The following RASGRP2 variants were observed in gnomAD, a reference collection of about 807,000 sequenced individuals.
RASGRP2 encodes the protein RAS guanyl releasing protein 2, also known as RAS guanyl-releasing protein 2.
A neutral mutation model predicts 71.0 loss-of-function variants in RASGRP2; 44 were observed. That is an observed-to-expected ratio of 0.62 (90% CI 0.49 to 0.80). The LOEUF (loss-of-function observed/expected upper bound fraction) is 0.80. Among genes scored for constraint, RASGRP2 ranks in the 30% least tolerant of loss-of-function variants. The pLI is 0.00. For missense variants in RASGRP2, 663 were observed against 813.4 expected, an observed-to-expected ratio of 0.82 and a Z score of 2.25; for synonymous variants, 350 against 330.7, an observed-to-expected ratio of 1.06 and a Z score of -0.63.
chr11:64,740,081 G>A lies in RASGRP2; in HGVS notation c.454C>T (p.His152Tyr). The part of the protein sequence containing the change: ...KKRKMSLLFD[H>Y]LEPMELAEHL... Reference sequence around the variant, plus strand: ...TCCGCCAGCTCCATGGGCTCCAGGTGGTCAAACAACAGGGACATCTTGCGC... The same window carrying A: ...TCCGCCAGCTCCATGGGCTCCAGGTAGTCAAACAACAGGGACATCTTGCGC... Residue 152 changes from histidine (H) to tyrosine (Y), a missense_variant, in exon 6 of 17, where the codon CAC (histidine) becomes TAC (tyrosine). Transcript: ENST00000394432. The A allele has an allele frequency of 6.2e-7, 1 of 1,614,150 alleles. No individual in the cohort carries two copies.
In RASGRP2 at chr11:64,735,718, C is replaced by T. The variant is rs1383400642; in HGVS notation, c.1174-54G>A. 6.3e-7 allele frequency: 1 copy of T among 1,574,808 alleles called. No individual in the cohort carries two copies. Among genetic ancestry groups the T allele is most frequent in the Non-Finnish European group, 8.6e-7 (1 of 1,161,414 alleles). ...GCCAGAGGCAGGGGAAGCCCAGAGCCCCGGGGAACAGAGAGGGGAATCCCT... is the reference window on the plus strand; with the variant it reads ...GCCAGAGGCAGGGGAAGCCCAGAGCTCCGGGGAACAGAGAGGGGAATCCCT... On this transcript the variant is annotated intron_variant, in intron 10 of 16. Transcript: ENST00000394432. The surrounding 1 kb of genome is among the most constrained non-coding windows in gnomAD (Gnocchi z 4.2).
rs1351436348 is a variant in RASGRP2, at chr11:64,742,572, G to A, written c.73+222C>T. ...GAGTCCGGGACCCGGCCCTCCCTTC[G>A]CCGCCGCTGGGGAAGGCTAGAGAAG... On this transcript the variant is annotated intron_variant, in intron 2 of 16. Transcript: ENST00000394432. The surrounding 1 kb of genome is among the most constrained non-coding windows in gnomAD (Gnocchi z 4.7). The A allele has an allele frequency of 6.2e-6, 4 of 642,284 alleles. No individual in the cohort carries two copies. The highest frequency in any genetic ancestry group is 2.8e-5 in the Admixed American group (1 of 35,746). 39.8% of individuals were successfully genotyped at this position (642,284 alleles called of 1,614,324 possible). A position where few individuals can be genotyped will look rare whatever the true frequency, so the allele number is the denominator to read the frequency against.
At chr11:64,732,035 C>G (rs1416374759) in intron 12 of RASGRP2, among the ~76,000 whole-genome samples, 1 of 152,186 alleles carries the variant, frequency 6.6e-6, no homozygotes, top group African/African-American at 2.4e-5. Flanking sequence ...GTCTAACTGT[C>G]CATCAGCAGG....
At chr11:64,732,038 T>C (rs1352360155) in intron 12 of RASGRP2, among the ~76,000 whole-genome samples, 1 of 152,178 alleles carries the variant, frequency 6.6e-6, no homozygotes, top group Non-Finnish European at 1.5e-5. Flanking sequence ...TAACTGTCCA[T>C]CAGCAGGAGG....
upstream of RASGRP2, chr11:64,744,895 G>GCCCCCTC (rs2058257661): frequency 7.6e-6 from 1 of 130,942 alleles, no homozygotes; most frequent in Non-Finnish European, 1.7e-5. Flanking sequence ...GCGCCAGGCT[G>GCCCCCTC]CCCCCTCCCC....
intron 12 of RASGRP2, among the ~76,000 whole-genome samples, chr11:64,730,871 G>T (rs1208493278): frequency 2.0e-5 from 3 of 152,180 alleles, no homozygotes; most frequent in African/African-American, 4.8e-5. Context: ...ATTTTGGTGA[G>T]GATTAAATTA....
In RASGRP2 at chr11:64,739,097, C is replaced by T. The variant is rs2135777856; in HGVS notation, c.813+263G>A. Among the ~76,000 whole-genome samples the T allele has an allele frequency of 6.6e-6, 1 of 151,514 alleles. No individual in the cohort carries two copies. Among genetic ancestry groups the T allele is most frequent in the African/African-American group, 2.4e-5 (1 of 41,178 alleles). ...AGGCTGCAGTGAGCTTGTGACTGCA[C>T]CACTGAACTCCAGTCTGGACAACAG... On this transcript the variant is annotated intron_variant, in intron 8 of 16. Transcript: ENST00000394432. This position sits in a 1 kb window ranked among gnomAD's most constrained non-coding sequence, Gnocchi z 4.2.
rs1345997961 is a variant in RASGRP2 at position 64,742,832 on chromosome 11, G to C, written c.35C>G (p.Thr12Arg). ...AGTLDLDKGC[T>R]VEELLRGCIE... ...GCACCCGCGGAGCAGCTCCTCCACC[G>C]TGCAGCCCTTGTCCAGGTCCAGGGT... is the stretch of plus-strand genomic sequence containing the variant. Residue 12 changes from threonine to arginine, a missense_variant, in exon 2 of 17, where the codon ACG becomes AGG. By Grantham distance (71) the Thr-to-Arg change is moderately conservative (BLOSUM62 -1). Coordinates refer to ENST00000394432, the MANE Select transcript of RASGRP2 (RefSeq NM_001098671.2). The surrounding 1 kb of genome is among the most constrained non-coding windows in gnomAD (Gnocchi z 4.7). The C allele has an allele frequency of 2.5e-6, 4 of 1,607,268 alleles. No individual in the cohort carries two copies. Among genetic ancestry groups the C allele is most frequent in the Non-Finnish European group, 3.4e-6 (4 of 1,178,130 alleles).
intron 3 of RASGRP2, 160 bp from the exon 4 acceptor site, chr11:64,741,661 A>T: frequency 1.4e-6 from 1 of 705,166 alleles, no homozygotes; most frequent in Non-Finnish European, 2.5e-6. Flanking sequence ...GAGGGGTTGG[A>T]GGTGGGGGTG....
Position 64,728,908 on chromosome 11 carries a change from T to A in RASGRP2, c.1726A>T (p.Ser576Cys). 2 of 1,613,106 alleles carry A rather than the reference T, an allele frequency of 1.2e-6. No homozygotes were observed. The highest frequency in any genetic ancestry group is 1.7e-4 in the Middle Eastern group (1 of 6,052). ...PMHSHHHRAF[S>C]FSLPRPGRRG... ...CTGCCAGGGCGGGGCAGAGAGAAGC[T>A]GAAGGCGCGGTGATGGTGGCTGTGC... The change falls in exon 15 of 17, where the codon AGC (serine) becomes TGC (cysteine). Residue 576 changes from serine (S) to cysteine (C), a missense_variant. Coordinates refer to ENST00000394432, the MANE Select transcript of RASGRP2 (RefSeq NM_001098671.2).
chr11:64,727,783 C>G (rs2057620683), intron 15 of RASGRP2, among the ~76,000 whole-genome samples: 2 of 152,286 alleles, frequency 1.3e-5, no homozygotes, highest in African/African-American at 4.8e-5. Flanking sequence ...TCCCAAAGTG[C>G]TAGGATTACA....
Position 64,743,541 on chromosome 11 carries a change from G to A in RASGRP2, c.-72+462C>T, listed in dbSNP as rs2058212717. Reference sequence around the variant, plus strand: ...GAGAGGAACATTCCTGGGGCGGGGGGAGCCCGCTGCGGCCAGGAGGCGTCA... The same window carrying A: ...GAGAGGAACATTCCTGGGGCGGGGGAAGCCCGCTGCGGCCAGGAGGCGTCA... On this transcript the variant is annotated intron_variant, in intron 1 of 16. Transcript: ENST00000394432. The surrounding 1 kb of genome is among the most constrained non-coding windows in gnomAD (Gnocchi z 4.9). The A allele has an allele frequency of 2.9e-6, 1 of 339,324 alleles. No homozygotes were observed. Among genetic ancestry groups the A allele is most frequent in the South Asian group, 2.1e-5 (1 of 47,230 alleles). 21.0% of individuals were successfully genotyped at this position (339,324 alleles called of 1,614,324 possible).
chr11:64,740,250 C>G (rs2058079252), intron 5 of RASGRP2, 87 bp from the exon 6 acceptor site: 1 of 1,549,714 alleles, frequency 6.5e-7, no homozygotes, highest in Non-Finnish European at 8.9e-7. Context: ...TTCACGCTTA[C>G]TGAGAACCTA....
At chr11:64,740,676 T>G (rs947638357) in intron 5 of RASGRP2, 7 of 650,852 alleles carry the variant, frequency 1.1e-5, no homozygotes, top group Non-Finnish European at 2.0e-5. Flanking sequence ...CAGAGCACCA[T>G]GATGAGAAAG....
At chr11:64,737,978 G>A (rs557927809) in intron 8 of RASGRP2, among the ~76,000 whole-genome samples, 55 of 151,812 alleles carry the variant, frequency 3.6e-4, no homozygotes, top group Non-Finnish European at 6.5e-4. Flanking sequence ...CCCAGGAGAC[G>A]GAAGTTGCAG....
At chr11:64,737,064 C>G in intron 8 of RASGRP2, 30 bp from the exon 9 acceptor site, 1 of 1,612,432 alleles carries the variant, frequency 6.2e-7, no homozygotes, top group Non-Finnish European at 8.5e-7. Context: ...GAGTCATACC[C>G]CCACAACTAT....
Position 64,743,107 on chromosome 11 carries a change from G to A in RASGRP2, c.-71-170C>T. 1 of 762,816 alleles carries A rather than the reference G, an allele frequency of 1.3e-6. No individual in the cohort carries two copies. Among genetic ancestry groups the A allele is most frequent in the East Asian group, 2.8e-5 (1 of 36,140 alleles). The allele number at this position is 762,816 out of a possible 1,614,324, so 47.3% of individuals were successfully genotyped here. A position where few individuals can be genotyped will look rare whatever the true frequency, so the allele number is the denominator to read the frequency against. ...TGGCCCGGGATGGTGCAACCCGCCA[G>A]TTGGGAAACGGACCCGCAGAGAGGC... On this transcript the variant is annotated intron_variant, in intron 1 of 16. Coordinates refer to ENST00000394432, the MANE Select transcript of RASGRP2 (RefSeq NM_001098671.2). This position sits in a 1 kb window ranked among gnomAD's most constrained non-coding sequence, Gnocchi z 4.9.
Position 64,741,079 on chromosome 11 carries a change from C to T in RASGRP2, c.240G>A (p.Arg80=). ...CCGCTGGGAAGGCGGAGATCCAGTA[C>T]CTGGAGGAGCGGGGAGTCACCCAAG... ...SLQVKTCHLV[R]YWISAFPAEF... Residue 80 remains arginine, a splice_region_variant and synonymous_variant, in exon 5 of 17, where the codon AGG becomes AGA. Transcript: ENST00000394432. 2 of 1,612,400 alleles carry T rather than the reference C, an allele frequency of 1.2e-6. No individual in the cohort carries two copies. Among genetic ancestry groups the T allele is most frequent in the Non-Finnish European group, 1.7e-6 (2 of 1,179,942 alleles).
At chr11:64,736,061 C>T in intron 9 of RASGRP2, 81 bp from the exon 10 acceptor site, 1 of 1,067,866 alleles carries the variant, frequency 9.4e-7, no homozygotes, top group East Asian at 2.5e-5. Flanking sequence ...ACCTAGAGGC[C>T]ACAGCTCAGC....
Sources: gnomAD v4.1 joint callset for allele counts (sites outside exome capture counted in the v4.1 genomes callset) on GRCh38, gnomAD v4.1.1 for gene constraint, Gnocchi (gnomAD v3.1) non-coding constraint, MANE v1.5 for transcripts, NCBI Gene and HGNC (gene_info 2026-07-23, HGNC 2026-07-21) for gene names.